The following FAM210A variants were observed in gnomAD, a reference collection of about 807,000 sequenced individuals.
FAM210A encodes the protein mitochondrial inner membrane scaffold 1, also known as family with sequence similarity 210 member A.
FAM210A carries 13 observed loss-of-function variants against 25.3 expected under a neutral mutation model. The observed-to-expected ratio is 0.51, with a 90% CI of 0.33 to 0.82. FAM210A has a LOEUF of 0.82. FAM210A is among the 40% of genes least tolerant of loss of function. FAM210A has a pLI of 0.02. For missense variants in FAM210A, 319 were observed against 323.2 expected, an observed-to-expected ratio of 0.99 and a Z score of 0.10; for synonymous variants, 125 against 118.7, an observed-to-expected ratio of 1.05 and a Z score of -0.35.
intron 3 of FAM210A, among the ~76,000 whole-genome samples, chr18:13,667,361 T>C (rs1014119540): frequency 1.3e-5 from 2 of 152,222 alleles, no homozygotes; most frequent in South Asian, 2.1e-4. Context: ...GGACCAATAC[T>C]AAATAGCAGA....
chr18:13,666,690 G>C lies in FAM210A; in HGVS notation c.609C>G (p.Thr203=), dbSNP rs529431654. ...LFKIATPARY[T]VTLGGTSVTV... is the part of the protein sequence containing the mutation. ...TGACAGATGTTCCTCCCAAAGTCACGGTATACCGAGCAGGTGTTGCAATCT... is the reference window on the plus strand; with the variant it reads ...TGACAGATGTTCCTCCCAAAGTCACCGTATACCGAGCAGGTGTTGCAATCT... The change falls in exon 4 of 4, where the codon ACC becomes ACG. Residue 203 remains threonine (T), a synonymous_variant. Coordinates refer to ENST00000651643, the MANE Select transcript of FAM210A (RefSeq NM_152352.4). The C allele has an allele frequency of 1.2e-6, 2 of 1,613,734 alleles. No individual in the cohort carries two copies. The highest frequency in any genetic ancestry group is 1.7e-6 in the Non-Finnish European group (2 of 1,179,814).
intron 2 of FAM210A, among the ~76,000 whole-genome samples, chr18:13,674,091 CTTCT>C (rs1478148927): frequency 1.4e-5 from 2 of 142,932 alleles, no homozygotes; most frequent in Non-Finnish European, 3.2e-5. Flanking sequence ...TGAGCCCTGG[CTTCT>C]TTATTTCCAG....
chr18:13,721,356 C>T (rs1430443959), intron 1 of FAM210A, among the ~76,000 whole-genome samples: 1 of 152,158 alleles, frequency 6.6e-6, no homozygotes, highest in Non-Finnish European at 1.5e-5. Flanking sequence ...TCTGGAACAG[C>T]AGCTGCAATT....
chr18:13,691,001 A>C (rs2043639376), intron 1 of FAM210A, among the ~76,000 whole-genome samples: 1 of 152,166 alleles, frequency 6.6e-6, no homozygotes, highest in South Asian at 2.1e-4. Context: ...GAAGCTAAAA[A>C]CCTTGAAAAA....
At chr18:13,722,698 G>A (rs1459028949) in intron 1 of FAM210A, among the ~76,000 whole-genome samples, 1 of 152,162 alleles carries the variant, frequency 6.6e-6, no homozygotes, top group Non-Finnish European at 1.5e-5. Flanking sequence ...CCACCTACAG[G>A]ATAAGACTCT....
rs142006383 is a variant in FAM210A, at chr18:13,716,574, C to G, written c.-29+9755G>C. On this transcript the variant is annotated intron_variant, in intron 1 of 3. Coordinates refer to ENST00000651643, the MANE Select transcript of FAM210A (RefSeq NM_152352.4). ...AACCTTAAAGGGACATAGTTTGGCT[C>G]TGTGTCCCCACTCAAATCTCATCTC... 8.3e-3 allele frequency among the ~76,000 whole-genome samples: 1,267 copies of G among 152,262 alleles called. 10 individuals are homozygous for G. The highest frequency in any genetic ancestry group is 0.015 in the Non-Finnish European group (996 of 68,014).
intron 1 of FAM210A, among the ~76,000 whole-genome samples, chr18:13,699,537 A>T (rs776056130): frequency 1.3e-5 from 2 of 152,150 alleles, no homozygotes; most frequent in Non-Finnish European, 2.9e-5. Context: ...CAAAATATTT[A>T]TATCTTTGTA....
chr18:13,713,202 A>C (rs886093452), intron 1 of FAM210A, among the ~76,000 whole-genome samples: 1 of 152,242 alleles, frequency 6.6e-6, no homozygotes, highest in African/African-American at 2.4e-5. Context: ...CCTTCTCCTT[A>C]AAGCATAAAT....
chr18:13,677,765 C>T (rs1347470330), intron 2 of FAM210A, among the ~76,000 whole-genome samples: 1 of 152,160 alleles, frequency 6.6e-6, no homozygotes, highest in Non-Finnish European at 1.5e-5. Context: ...TAGACCTCCA[C>T]TGTAAAAGCA....
At chr18:13,709,061 G>A (rs1338803814) in intron 1 of FAM210A, among the ~76,000 whole-genome samples, 1 of 152,118 alleles carries the variant, frequency 6.6e-6, no homozygotes, top group Admixed American at 6.6e-5. Context: ...GGCTCTGTCT[G>A]CTCCGTGACA....
At chr18:13,680,737 T>A (rs1369749171) in intron 2 of FAM210A, among the ~76,000 whole-genome samples, 3 of 152,200 alleles carry the variant, frequency 2.0e-5, no homozygotes, top group Non-Finnish European at 4.4e-5. Flanking sequence ...TAGGAGAGTT[T>A]ACTGAAGTGT....
At chr18:13,692,451 A>G (rs1006698376) in intron 1 of FAM210A, among the ~76,000 whole-genome samples, 3 of 152,196 alleles carry the variant, frequency 2.0e-5, no homozygotes, top group Non-Finnish European at 2.9e-5. Flanking sequence ...CAGAATATAC[A>G]TTCTTCTCAG....
At position 13,666,398 on chromosome 18, in the gene FAM210A, A is replaced by C; in HGVS notation, c.*82T>G. The stretch of plus-strand genomic sequence containing the variant: ...GTATATTTCGGCAACTAACCAAAAA[A>C]ATAATCAGACACATGTATCTTTGCC... On this transcript the variant is annotated 3_prime_UTR_variant, in exon 4 of 4. Coordinates refer to ENST00000651643, the MANE Select transcript of FAM210A (RefSeq NM_152352.4). 2 of 1,161,746 alleles carry C rather than the reference A, an allele frequency of 1.7e-6. No individual in the cohort carries two copies. The highest frequency in any genetic ancestry group is 2.4e-6 in the Non-Finnish European group (2 of 818,822). 72.0% of individuals were successfully genotyped at this position (1,161,746 alleles called of 1,614,324 possible).
chr18:13,711,778 C>G (rs914938735), intron 1 of FAM210A, among the ~76,000 whole-genome samples: 1 of 152,104 alleles, frequency 6.6e-6, no homozygotes, highest in Non-Finnish European at 1.5e-5. Flanking sequence ...TTTTCTGACT[C>G]TCAGCATCCA....
intron 1 of FAM210A, among the ~76,000 whole-genome samples, chr18:13,702,598 T>C (rs1020916515): frequency 6.6e-5 from 10 of 152,186 alleles, no homozygotes; most frequent in Non-Finnish European, 1.3e-4. Flanking sequence ...ATGTCACGGG[T>C]AGCTCTAAAA....
intron 1 of FAM210A, among the ~76,000 whole-genome samples, chr18:13,725,034 C>A (rs1223442640): frequency 1.3e-5 from 2 of 152,240 alleles, no homozygotes; most frequent in South Asian, 2.1e-4. Flanking sequence ...GGCCTCCCAA[C>A]GGCTGGGATT....
Position 13,681,691 on chromosome 18 carries a change from T to C in FAM210A, c.387A>G (p.Thr129=), listed in dbSNP as rs968087505. Residue 129 remains threonine (T), a synonymous_variant, in exon 2 of 4, where the codon ACA becomes ACG. Transcript: ENST00000651643. ...TCAGAACTTTTCCATACTGTCTAAA[T>C]GTCTTCTTGAATCGTTGATAAAGAC... ...SISLYQRFKK[T]FRQYGKVLIP... 9 of 1,614,266 alleles carry C rather than the reference T, an allele frequency of 5.6e-6. No individual in the cohort carries two copies. The South Asian group carries it at 8.8e-5, about 16-fold the overall frequency.
Position 13,666,504 on chromosome 18 carries a change from A to G in FAM210A, c.795T>C (p.Val265=). 1 of 1,613,738 alleles carries G rather than the reference A, an allele frequency of 6.2e-7. No individual in the cohort carries two copies. The highest frequency in any genetic ancestry group is 8.5e-7 in the Non-Finnish European group (1 of 1,179,848). Residue 265 remains valine (V), a synonymous_variant, in exon 4 of 4, where the codon GTT becomes GTC. Coordinates refer to ENST00000651643, the MANE Select transcript of FAM210A (RefSeq NM_152352.4). ...CTTATTCCACTTTTTTCTTAAAGGA[A>G]ACTTTTTCTTTGGTTTCTTGTAACT... ...TEKLQETKEK[V]SFKKKVE
At chr18:13,685,577 T>C (rs1294603923) in intron 1 of FAM210A, among the ~76,000 whole-genome samples, 3 of 152,194 alleles carry the variant, frequency 2.0e-5, no homozygotes, top group South Asian at 2.1e-4. Context: ...TTCCAACCAA[T>C]TGCCAATCAG....
Sources: allele counts gnomAD v4.1 joint callset (sites outside exome capture counted in the v4.1 genomes callset), GRCh38; gene constraint gnomAD v4.1.1; transcripts MANE v1.5; gene names NCBI Gene and HGNC (gene_info 2026-07-23, HGNC 2026-07-21).